Variants in SAMD5 observed in about 807,000 individuals in gnomAD.
SAMD5 encodes the protein sterile alpha motif domain containing 5.
In SAMD5, 13 loss-of-function variants were observed where a neutral mutation model predicts 11.3. That is an observed-to-expected ratio of 1.15 (90% CI 0.75 to 1.83). The LOEUF is 1.83. Among genes scored for constraint, SAMD5 ranks in the 40% most tolerant of loss-of-function variants. SAMD5 has a pLI of 0.00. For synonymous variants in SAMD5, 129 were observed against 111.3 expected, an observed-to-expected ratio of 1.16 and a Z score of -1.00; for missense variants, 255 against 239.1, an observed-to-expected ratio of 1.07 and a Z score of -0.44.
chr6:147,710,833 G>A (rs1214695608), intron 1 of SAMD5, among the ~76,000 whole-genome samples: 2 of 151,974 alleles, frequency 1.3e-5, no homozygotes, highest in South Asian at 4.2e-4. Context: ...TGGATAAGGG[G>A]GACTACTATA....
the SAMD5 span, among the ~76,000 whole-genome samples, chr6:147,749,599 C>T: frequency 6.6e-6 from 1 of 152,144 alleles, no homozygotes; most frequent in Non-Finnish European, 1.5e-5. Flanking sequence ...TCATTTCAAG[C>T]AGTTTATACC....
the SAMD5 span, among the ~76,000 whole-genome samples, chr6:147,876,021 T>C: frequency 6.6e-6 from 1 of 152,172 alleles, no homozygotes; most frequent in Non-Finnish European, 1.5e-5. Context: ...ATGAAACCAG[T>C]CCCTGGGTGC....
At chr6:147,706,491 G>C (rs1470572389) in intron 1 of SAMD5, among the ~76,000 whole-genome samples, 2 of 152,208 alleles carry the variant, frequency 1.3e-5, no homozygotes, top group Non-Finnish European at 2.9e-5. Flanking sequence ...GCCTGCCAAA[G>C]TGCTGGGACT....
At chr6:147,686,028 A>G (rs1356358848) in intron 1 of SAMD5, among the ~76,000 whole-genome samples, 8 of 152,338 alleles carry the variant, frequency 5.3e-5, no homozygotes, top group African/African-American at 1.9e-4. Context: ...GTGACTGACA[A>G]AATTTGTGTA....
chr6:147,884,013 T>G, the SAMD5 span, among the ~76,000 whole-genome samples: 3 of 152,250 alleles, frequency 2.0e-5, no homozygotes, highest in African/African-American at 7.2e-5. Flanking sequence ...TTACAGCTTC[T>G]TTGTTAGGCA....
chr6:147,940,888 G>T, the SAMD5 span, among the ~76,000 whole-genome samples: 1 of 152,154 alleles, frequency 6.6e-6, no homozygotes, highest in African/African-American at 2.4e-5. Flanking sequence ...CTTGAACTCC[G>T]GAGGCGGAGA....
the SAMD5 span, among the ~76,000 whole-genome samples, chr6:147,807,573 G>C: frequency 2.6e-5 from 4 of 152,048 alleles, no homozygotes; most frequent in Non-Finnish European, 4.4e-5. Context: ...AAAAATCTTT[G>C]GTCTTTTCGC....
chr6:147,651,808 A>G (rs1027422590), intron 1 of SAMD5, among the ~76,000 whole-genome samples: 6 of 152,254 alleles, frequency 3.9e-5, no homozygotes, highest in African/African-American at 1.2e-4. Context: ...ATCAGAGAAT[A>G]TGGGAGCTGT....
At chr6:147,748,529 G>A in the SAMD5 span, among the ~76,000 whole-genome samples, 1 of 152,118 alleles carries the variant, frequency 6.6e-6, no homozygotes, top group East Asian at 1.9e-4. Context: ...TTATGCATAA[G>A]GCCAATCCAG....
Position 147,672,699 on chromosome 6 carries a change from A to T in SAMD5, c.163-64618A>T, listed in dbSNP as rs949118711. 1.2e-4 allele frequency among the ~76,000 whole-genome samples: 18 copies of T among 151,410 alleles called. No individual in the cohort carries two copies. The South Asian group carries it at 2.3e-3, about 19-fold the overall frequency. On this transcript the variant is annotated intron_variant, in intron 1 of 1. Coordinates refer to the SAMD5 transcript ENST00000566741. ...CCTTCCACAGAGGCCACTTTAAGCAATTTTTTTTGTTGCATATATCTTCAT... is the reference window on the plus strand; with the variant it reads ...CCTTCCACAGAGGCCACTTTAAGCATTTTTTTTTGTTGCATATATCTTCAT...
the SAMD5 span, among the ~76,000 whole-genome samples, chr6:147,802,891 G>C: frequency 9.8e-4 from 149 of 152,280 alleles, 1 homozygote; most frequent in African/African-American, 3.4e-3. Context: ...TGTGGACTAG[G>C]GGCACCATTT....
chr6:147,531,065 G>A (rs990592334), intron 1 of SAMD5, among the ~76,000 whole-genome samples: 1 of 151,986 alleles, frequency 6.6e-6, no homozygotes, highest in Non-Finnish European at 1.5e-5. Flanking sequence ...CTTTCTGGCT[G>A]AAGAGGTCTA....
the SAMD5 span, among the ~76,000 whole-genome samples, chr6:147,772,100 C>T: frequency 6.6e-6 from 1 of 152,292 alleles, no homozygotes; most frequent in South Asian, 2.1e-4. Flanking sequence ...TCTTCTCCTT[C>T]ACAAGGCAGT....
chr6:147,551,428 C>T (rs570993960), intron 1 of SAMD5, among the ~76,000 whole-genome samples: 26 of 152,192 alleles, frequency 1.7e-4, no homozygotes, highest in African/African-American at 5.8e-4. Context: ...TTTCTTTTAA[C>T]GTAATTAAGT....
At chr6:147,651,963 C>CCCG (rs1438252341) in intron 1 of SAMD5, among the ~76,000 whole-genome samples, 4 of 152,018 alleles carry the variant, frequency 2.6e-5, no homozygotes, top group African/African-American at 9.7e-5. Context: ...AACACCAACC[C>CCCG]CCGCATTCAG....
At chr6:147,877,387 C>T in the SAMD5 span, among the ~76,000 whole-genome samples, 3 of 152,088 alleles carry the variant, frequency 2.0e-5, no homozygotes, top group East Asian at 5.8e-4. Flanking sequence ...CTCATTAATT[C>T]AACCTTACAA....
the SAMD5 span, among the ~76,000 whole-genome samples, chr6:147,909,539 C>A: frequency 1.3e-5 from 2 of 150,176 alleles, no homozygotes; most frequent in African/African-American, 2.5e-5. Flanking sequence ...CAGGTACTGG[C>A]AAACTGTGAC....
chr6:147,703,905 A>T (rs542876781), intron 1 of SAMD5, among the ~76,000 whole-genome samples: 1 of 151,970 alleles, frequency 6.6e-6, no homozygotes, highest in Non-Finnish European at 1.5e-5. Flanking sequence ...TTATTTATTT[A>T]TTTATTTTTA....
chr6:147,551,102 C>G (rs374853861), intron 1 of SAMD5, among the ~76,000 whole-genome samples: 1 of 152,160 alleles, frequency 6.6e-6, no homozygotes, highest in Non-Finnish European at 1.5e-5. Context: ...CCCTTCCACT[C>G]GAAGTTCTCA....
Sources: allele counts gnomAD v4.1 joint callset (sites outside exome capture counted in the v4.1 genomes callset), GRCh38; gene constraint gnomAD v4.1.1; transcripts MANE v1.5; gene names NCBI Gene and HGNC (gene_info 2026-07-23, HGNC 2026-07-21).